Variants in TRPC3 observed in about 807,000 individuals in gnomAD.
TRPC3 encodes transient receptor potential cation channel subfamily C member 3, also known as short transient receptor potential channel 3.
In TRPC3, 54 loss-of-function variants were observed where a neutral mutation model predicts 90.9. The observed-to-expected ratio is 0.59, with a 90% CI of 0.48 to 0.75. TRPC3 has a LOEUF of 0.75. Among genes scored for constraint, TRPC3 ranks in the 30% least tolerant of loss-of-function variants. The pLI, the probability that TRPC3 is intolerant of heterozygous loss-of-function variation, is 0.00. For synonymous variants in TRPC3, 424 were observed against 450.9 expected, an observed-to-expected ratio of 0.94 and a Z score of 0.75; for missense variants, 918 against 1,194.5, an observed-to-expected ratio of 0.77 and a Z score of 3.41.
At chr4:121,949,528 CTG>C (rs1438104776) in intron 1 of TRPC3, among the ~76,000 whole-genome samples, 1 of 152,148 alleles carries the variant, frequency 6.6e-6, no homozygotes, top group Non-Finnish European at 1.5e-5. Flanking sequence ...TAAATAAACA[CTG>C]TTTATGAAAC....
chr4:121,941,568 G>A (rs1730311609), intron 1 of TRPC3, among the ~76,000 whole-genome samples: 1 of 151,940 alleles, frequency 6.6e-6, no homozygotes, highest in Non-Finnish European at 1.5e-5. Flanking sequence ...TAATGAGGGT[G>A]GGAAGCAGCA....
At position 121,877,390 on chromosome 4, in the gene TRPC3, G is replaced by T. The variant is rs1727792330; in HGVS notation, c.*2346C>A. On this transcript the variant is annotated 3_prime_UTR_variant, in exon 12 of 12. Transcript: ENST00000379645. ...TTTCAGGAGCTCTGGAGCATGAACTGCACTGAATAGTTGGCCCCATCTTGA... is the reference window on the plus strand; with the variant it reads ...TTTCAGGAGCTCTGGAGCATGAACTTCACTGAATAGTTGGCCCCATCTTGA... 6.6e-6 allele frequency among the ~76,000 whole-genome samples: 1 copy of T among 152,192 alleles called. No individual in the cohort carries two copies. Among genetic ancestry groups the T allele is most frequent in the Non-Finnish European group, 1.5e-5 (1 of 68,030 alleles).
intron 6 of TRPC3, among the ~76,000 whole-genome samples, chr4:121,908,479 G>C (rs1239596744): frequency 6.6e-6 from 1 of 151,960 alleles, no homozygotes; most frequent in Admixed American, 6.6e-5. Context: ...ATCAACCTAG[G>C]TGCTCATCAA....
chr4:121,951,439 C>T lies in TRPC3; in HGVS notation c.215+27G>A. On this transcript the variant is annotated intron_variant, in intron 1 of 11. Coordinates refer to ENST00000379645, the MANE Select transcript of TRPC3 (RefSeq NM_001130698.2). This position sits in a 1 kb window ranked among gnomAD's most constrained non-coding sequence, Gnocchi z 4.4. ...CCGCCCGGCACCGCCCTCCGAGGCG[C>T]GGGCCGCGGCCGGGCCCGGTACTCA... 8.4e-7 allele frequency: 1 copy of T among 1,188,284 alleles called. No homozygotes were observed. Among genetic ancestry groups the T allele is most frequent in the Non-Finnish European group, 1.0e-6 (1 of 959,320 alleles). 73.6% of individuals were successfully genotyped at this position (1,188,284 alleles called of 1,614,324 possible). A position where few individuals can be genotyped will look rare whatever the true frequency, so the allele number is the denominator to read the frequency against.
chr4:121,898,778 ATGAG>A (rs1173213041), intron 10 of TRPC3, among the ~76,000 whole-genome samples: 16 of 152,190 alleles, frequency 1.1e-4, no homozygotes, highest in African/African-American at 3.1e-4. Context: ...TATGTAGACA[ATGAG>A]TAAGTATAAT....
rs1443939726 is a variant in TRPC3, at chr4:121,877,065, G to A, written c.*2671C>T. On this transcript the variant is annotated 3_prime_UTR_variant, in exon 12 of 12. Coordinates refer to ENST00000379645, the MANE Select transcript of TRPC3 (RefSeq NM_001130698.2). ...TTCTTTGAGGTTTGTTTTCCCAAAG[G>A]TACCTGTTAAAAGTGACTAGGGAAA... 6.6e-6 allele frequency among the ~76,000 whole-genome samples: 1 copy of A among 152,092 alleles called. No individual in the cohort carries two copies. The highest frequency in any genetic ancestry group is 2.4e-5 in the African/African-American group (1 of 41,416).
At chr4:121,911,244 T>G (rs565018798) in intron 5 of TRPC3, among the ~76,000 whole-genome samples, 1 of 152,248 alleles carries the variant, frequency 6.6e-6, no homozygotes, top group South Asian at 2.1e-4. Context: ...AAAAATGACT[T>G]CGGATTAATC....
At chr4:121,933,513 A>T (rs1190568485) in intron 1 of TRPC3, 2 of 152,758 alleles carry the variant, frequency 1.3e-5, no homozygotes, top group Non-Finnish European at 2.9e-5. Flanking sequence ...TTTTAACTAA[A>T]TAAAATCATT....
chr4:121,880,710 C>A (rs1727913160), intron 11 of TRPC3, among the ~76,000 whole-genome samples: 3 of 152,106 alleles, frequency 2.0e-5, no homozygotes, highest in Admixed American at 2.0e-4. Flanking sequence ...AAACCACTGA[C>A]CTTCAAAAGT....
In TRPC3 at chr4:121,931,421, G is replaced by T. The variant is rs538115149; in HGVS notation, c.987+850C>A. 1.9e-4 allele frequency among the ~76,000 whole-genome samples: 29 copies of T among 152,148 alleles called. 1 individual carries two copies. The South Asian group carries it at 2.3e-3, about 12-fold the overall frequency. ...AACTATGAAATACCCAGATTTAGTAGCTAGAACCAATCAAAACGCATAGGA... is the reference window on the plus strand; with the variant it reads ...AACTATGAAATACCCAGATTTAGTATCTAGAACCAATCAAAACGCATAGGA... On this transcript the variant is annotated intron_variant, in intron 2 of 11. Transcript: ENST00000379645.
chr4:121,934,179 T>C (rs1730052451), intron 1 of TRPC3, among the ~76,000 whole-genome samples: 2 of 152,224 alleles, frequency 1.3e-5, no homozygotes, highest in African/African-American at 4.8e-5. Flanking sequence ...TGATGTTAGG[T>C]AAATAATTTC....
chr4:121,911,246 G>A (rs940022564), intron 5 of TRPC3, among the ~76,000 whole-genome samples: 7 of 151,974 alleles, frequency 4.6e-5, no homozygotes, highest in African/African-American at 1.4e-4. Flanking sequence ...AAATGACTTC[G>A]GATTAATCAG....
intron 11 of TRPC3, among the ~76,000 whole-genome samples, chr4:121,880,792 T>A (rs1464570348): frequency 1.3e-5 from 2 of 152,174 alleles, no homozygotes; most frequent in East Asian, 3.8e-4. Flanking sequence ...GTTTTTATAA[T>A]AAAATGGCAT....
chr4:121,902,807 GAC>G, intron 9 of TRPC3, 43 bp downstream of exon 9: 2 of 1,407,346 alleles, frequency 1.4e-6, no homozygotes, highest in East Asian at 2.3e-5. Flanking sequence ...AGAAAAAAAA[GAC>G]AGAACATTTA....
chr4:121,903,130 G>T (rs1728761273), intron 8 of TRPC3, 69 bp from the exon 9 acceptor site: 2 of 1,392,922 alleles, frequency 1.4e-6, no homozygotes, highest in African/African-American at 1.5e-5. Context: ...TTGCTAATAG[G>T]TTTTTTACAA....
At chr4:121,917,621 T>G (rs149113489) in intron 3 of TRPC3, among the ~76,000 whole-genome samples, 1,630 of 152,288 alleles carry the variant, frequency 0.011, 16 homozygotes, top group South Asian at 0.018. Context: ...TAACTGAGAC[T>G]TCAACTCATA....
intron 2 of TRPC3, among the ~76,000 whole-genome samples, chr4:121,931,874 G>A (rs578183152): frequency 1.3e-5 from 2 of 152,160 alleles, no homozygotes; most frequent in East Asian, 3.9e-4. Flanking sequence ...CTCCCTCAGG[G>A]GAAATAAAGC....
At chr4:121,902,796 A>G in intron 9 of TRPC3, 56 bp downstream of exon 9, 1 of 1,344,536 alleles carries the variant, frequency 7.4e-7, no homozygotes, top group Non-Finnish European at 1.0e-6. Context: ...ATCAGAAGAC[A>G]AGAAAAAAAA....
At position 121,902,816 on chromosome 4, in the gene TRPC3, T is replaced by C. The variant is rs761200959; in HGVS notation, c.2463+36A>G. On this transcript the variant is annotated intron_variant, in intron 9 of 11. Coordinates refer to ENST00000379645, the MANE Select transcript of TRPC3 (RefSeq NM_001130698.2). ...AAGACAAGAAAAAAAAGACAGAACA[T>C]TTATTTTAAGGTCTTGGTAAGTTTT... 2.3e-5 allele frequency: 34 copies of C among 1,460,572 alleles called. 1 individual carries two copies. In the South Asian group the frequency reaches 4.2e-4, roughly 18 times the overall value. The allele number at this position is 1,460,572 out of a possible 1,614,324, so 90.5% of individuals were successfully genotyped here.
Sources: allele counts gnomAD v4.1 joint callset (sites outside exome capture counted in the v4.1 genomes callset), GRCh38; gene constraint gnomAD v4.1.1; non-coding constraint Gnocchi (gnomAD v3.1); transcripts MANE v1.5; gene names NCBI Gene and HGNC (gene_info 2026-07-23, HGNC 2026-07-21).